The following LIN7A variants were observed in gnomAD, a reference collection of about 807,000 sequenced individuals.
LIN7A encodes the protein lin-7 cell polarity scaffold A.
A neutral mutation model predicts 29.8 loss-of-function variants in LIN7A; 25 were observed. The ratio of observed to expected loss-of-function variants is 0.84; its 90% CI spans 0.61 to 1.17. The LOEUF is 1.17. LIN7A is among the 50% of genes most tolerant of loss of function. The pLI, the probability that LIN7A is intolerant of heterozygous loss-of-function variation, is 0.00. For synonymous variants in LIN7A, 118 were observed against 107.5 expected (o/e 1.10, Z -0.60); for missense variants, 239 against 287.0 (o/e 0.83, Z 1.21).
chr12:80,931,033 TAAGAA>T (rs1177360551), intron 1 of LIN7A, among the ~76,000 whole-genome samples: 2 of 152,162 alleles, frequency 1.3e-5, no homozygotes, highest in Non-Finnish European at 2.9e-5. Flanking sequence ...GTCATGACTT[TAAGAA>T]AAGAACTCAA....
chr12:80,820,814 CAACT>C (rs2121519095), intron 4 of LIN7A, among the ~76,000 whole-genome samples: 1 of 152,300 alleles, frequency 6.6e-6, no homozygotes, highest in Non-Finnish European at 1.5e-5. Context: ...GAACACTTAC[CAACT>C]GTGATTCACA....
rs941679128 is a variant in LIN7A at position 80,797,276 on chromosome 12, C to A, written c.*451G>T. The A allele has an allele frequency of 6.6e-6, 1 of 152,296 alleles. No individual in the cohort carries two copies. The highest frequency in any genetic ancestry group is 1.5e-5 in the Non-Finnish European group (1 of 68,038). The allele number at this position is 152,296 out of a possible 1,614,324, so 9.4% of individuals were successfully genotyped here. A position where few individuals can be genotyped will look rare whatever the true frequency, so the allele number is the denominator to read the frequency against. On this transcript the variant is annotated 3_prime_UTR_variant, in exon 6 of 6. Transcript: ENST00000552864. ...CAACTCAGCACTATGGATTGTGGAG[C>A]AGGTGAGGGTAAGGAGCAATGTGTA...
At chr12:80,848,365 GAAT>G in intron 2 of LIN7A, 43 bp from the exon 3 acceptor site, 1 of 1,351,790 alleles carries the variant, frequency 7.4e-7, no homozygotes. Context: ...AGAACATGAA[GAAT>G]AATAATTCTT....
intron 2 of LIN7A, among the ~76,000 whole-genome samples, chr12:80,868,887 G>A (rs1310837998): frequency 6.6e-6 from 1 of 152,082 alleles, no homozygotes; most frequent in Non-Finnish European, 1.5e-5. Context: ...TAGCAAAACA[G>A]GATCACCCTC....
At chr12:80,810,290 A>G (rs543910188) in intron 5 of LIN7A, among the ~76,000 whole-genome samples, 1 of 152,214 alleles carries the variant, frequency 6.6e-6, no homozygotes, top group African/African-American at 2.4e-5. Flanking sequence ...TTGTCTGCCC[A>G]TGCTTGGCTT....
intron 2 of LIN7A, among the ~76,000 whole-genome samples, chr12:80,863,438 T>A (rs560485482): frequency 6.6e-6 from 1 of 152,304 alleles, no homozygotes; most frequent in African/African-American, 2.4e-5. Context: ...AGAGAGCACA[T>A]AATCACCTTT....
intron 2 of LIN7A, among the ~76,000 whole-genome samples, chr12:80,882,284 A>ATTT (rs1463134808): frequency 1.4e-5 from 1 of 71,988 alleles, no homozygotes. Flanking sequence ...TTTTTCTTTC[A>ATTT]TTCTTTTTTT....
intron 1 of LIN7A, among the ~76,000 whole-genome samples, chr12:80,932,853 C>T (rs772431856): frequency 2.0e-5 from 3 of 152,146 alleles, no homozygotes; most frequent in Non-Finnish European, 2.9e-5. Flanking sequence ...TTAAGGATTG[C>T]ATTCTTCTTT....
rs1699595378 is a variant in LIN7A at position 80,880,669 on chromosome 12, T to G, written c.201+8582A>C. The stretch of plus-strand genomic sequence containing the variant: ...GGATCTTGCATAAAGAAACTCCATA[T>G]GTACTCCATATGTACTTGCAGTATC... On this transcript the variant is annotated intron_variant, in intron 2 of 5. Transcript: ENST00000552864. Among the ~76,000 whole-genome samples, 7 of 152,106 alleles carry G rather than the reference T, an allele frequency of 4.6e-5. 1 individual carries two copies. In the South Asian group the frequency reaches 1.5e-3, roughly 32 times the overall value.
At chr12:80,931,480 A>G (rs1877900879) in intron 1 of LIN7A, among the ~76,000 whole-genome samples, 1 of 152,032 alleles carries the variant, frequency 6.6e-6, no homozygotes, top group Admixed American at 6.6e-5. Context: ...GTCTCTATTA[A>G]AAAATACAAA....
At chr12:80,842,919 C>T (rs957180959) in intron 4 of LIN7A, among the ~76,000 whole-genome samples, 1 of 151,940 alleles carries the variant, frequency 6.6e-6, no homozygotes, top group African/African-American at 2.4e-5. Flanking sequence ...ATACTTTAAC[C>T]TTCAACTTTA....
chr12:80,818,013 C>T lies in LIN7A; in HGVS notation c.484-6330G>A, dbSNP rs567000112. Among the ~76,000 whole-genome samples the T allele has an allele frequency of 2.0e-5, 3 of 152,290 alleles. No homozygotes were observed. The South Asian group carries it at 6.2e-4, about 32-fold the overall frequency. ...GGGCTACCTGAAGGACTCACTACTACTAGGATTAGGGGGTTATGATTCTCA... is the reference window on the plus strand; with the variant it reads ...GGGCTACCTGAAGGACTCACTACTATTAGGATTAGGGGGTTATGATTCTCA... On this transcript the variant is annotated intron_variant, in intron 4 of 5. Coordinates refer to ENST00000552864, the MANE Select transcript of LIN7A (RefSeq NM_004664.4).
intron 1 of LIN7A, among the ~76,000 whole-genome samples, chr12:80,916,318 C>T (rs1235419355): frequency 6.6e-6 from 1 of 152,108 alleles, no homozygotes; most frequent in Non-Finnish European, 1.5e-5. Context: ...AAAATAGTAA[C>T]CCTGAGCCTC....
At chr12:80,829,455 C>T (rs190586693) in intron 4 of LIN7A, among the ~76,000 whole-genome samples, 7 of 152,210 alleles carry the variant, frequency 4.6e-5, no homozygotes, top group South Asian at 2.1e-4. Flanking sequence ...ATCACTTATA[C>T]GGCATGGCAG....
In LIN7A at chr12:80,811,506, G is replaced by GT; in HGVS notation, c.660dup (p.Gln221ThrfsTer17). 1 of 1,597,386 alleles carries GT rather than the reference G, an allele frequency of 6.3e-7. No individual in the cohort carries two copies. The highest frequency in any genetic ancestry group is 8.6e-7 in the Non-Finnish European group (1 of 1,168,604). On this transcript the variant is annotated frameshift_variant, in exon 5 of 6. Transcript: ENST00000552864. LOFTEE classifies it high-confidence loss of function. ...TGTTGTGTTTGTTGCTGCTGCTGCT[G>GT]TTGCTGCTGCTGAATTAGCAATTGC...
intron 5 of LIN7A, among the ~76,000 whole-genome samples, chr12:80,810,709 G>A (rs1187883584): frequency 2.0e-5 from 3 of 152,140 alleles, no homozygotes. Flanking sequence ...TCCCACCAAC[G>A]GTGTACAAGG....
intron 1 of LIN7A, 68 bp downstream of exon 1, chr12:80,937,573 A>C: frequency 2.6e-6 from 3 of 1,168,692 alleles, no homozygotes; most frequent in Non-Finnish European, 3.5e-6. Flanking sequence ...CCCGTTGGGA[A>C]TTGGCAGGCG....
At chr12:80,916,619 A>G (rs554132811) in intron 1 of LIN7A, among the ~76,000 whole-genome samples, 1 of 152,126 alleles carries the variant, frequency 6.6e-6, no homozygotes, top group Admixed American at 6.6e-5. Context: ...CCCAAAACCT[A>G]GAAGAGAGGT....
intron 4 of LIN7A, among the ~76,000 whole-genome samples, chr12:80,818,862 T>C (rs1871660767): frequency 6.6e-6 from 1 of 152,232 alleles, no homozygotes; most frequent in African/African-American, 2.4e-5. Context: ...ACAACCTTAC[T>C]ACAGAAAAAA....
Sources: allele counts gnomAD v4.1 joint callset (sites outside exome capture counted in the v4.1 genomes callset), GRCh38; gene constraint gnomAD v4.1.1; transcripts MANE v1.5; gene names NCBI Gene and HGNC (gene_info 2026-07-23, HGNC 2026-07-21).